Variants in SLC18B1 observed in about 807,000 individuals in gnomAD.
The protein encoded by SLC18B1 is solute carrier family 18 member B1.
In SLC18B1, 62 loss-of-function variants were observed where a neutral mutation model predicts 53.9. That is an observed-to-expected ratio of 1.15 (90% CI 0.94 to 1.42). SLC18B1 has a LOEUF of 1.42. Ranked by LOEUF, SLC18B1 falls within the 40% of genes most tolerant of loss-of-function variation. SLC18B1 has a pLI of 0.00. For synonymous variants in SLC18B1, 217 were observed against 200.9 expected (o/e 1.08, Z -0.68); for missense variants, 598 against 547.3 (o/e 1.09, Z -0.93).
At chr6:132,773,879 A>C (rs1302733865) in intron 9 of SLC18B1, among the ~76,000 whole-genome samples, 2 of 152,246 alleles carry the variant, frequency 1.3e-5, no homozygotes, top group East Asian at 1.9e-4. Context: ...AAAAGAAAAA[A>C]AAAACAAAAA....
intron 4 of SLC18B1, among the ~76,000 whole-genome samples, chr6:132,789,203 G>A (rs1045850098): frequency 2.0e-5 from 3 of 152,120 alleles, no homozygotes; most frequent in Admixed American, 2.0e-4. Context: ...CATGTGACCT[G>A]GCCTGGCCAA....
At position 132,779,199 on chromosome 6, in the gene SLC18B1, A is replaced by G. The variant is rs904810475; in HGVS notation, c.795+69T>C. On this transcript the variant is annotated intron_variant, in intron 7 of 13. Transcript: ENST00000275227. ...CCACGCAAGGGTCTTTCCACAGAGC[A>G]GGGCCCAAGAACAAGCAGTTACATC... 19 of 1,247,568 alleles carry G rather than the reference A, an allele frequency of 1.5e-5. No individual in the cohort carries two copies. The African/African-American group carries it at 2.5e-4, about 16-fold the overall frequency. The allele number at this position is 1,247,568 out of a possible 1,614,324, so 77.3% of individuals were successfully genotyped here.
chr6:132,794,512 C>T (rs1781623791), intron 2 of SLC18B1, among the ~76,000 whole-genome samples: 1 of 152,064 alleles, frequency 6.6e-6, no homozygotes, highest in Non-Finnish European at 1.5e-5. Context: ...GACAAGTGCC[C>T]TTCCTTTCTA....
At position 132,777,674 on chromosome 6, in the gene SLC18B1, A is replaced by T. The variant is rs1781132734; in HGVS notation, c.796-1245T>A. Among the ~76,000 whole-genome samples the T allele has an allele frequency of 2.0e-5, 3 of 152,238 alleles. No homozygotes were observed. In the South Asian group the frequency reaches 6.2e-4, roughly 31 times the overall value. Reference sequence around the variant, plus strand: ...GGTTGCAGTGAGCCGAGATCGTGCCATTGCACTCCAGCCTGGGCAACAGAG... The same window carrying T: ...GGTTGCAGTGAGCCGAGATCGTGCCTTTGCACTCCAGCCTGGGCAACAGAG... On this transcript the variant is annotated intron_variant, in intron 7 of 13. Transcript: ENST00000275227.
intron 2 of SLC18B1, among the ~76,000 whole-genome samples, chr6:132,791,611 G>T (rs115103406): frequency 0.015 from 2,216 of 152,170 alleles, 48 homozygotes; most frequent in African/African-American, 0.051. Flanking sequence ...TCTTACTCTA[G>T]GAAAAGTCCT....
intron 5 of SLC18B1, among the ~76,000 whole-genome samples, chr6:132,785,715 G>C (rs1781351871): frequency 6.6e-6 from 1 of 151,932 alleles, no homozygotes; most frequent in Non-Finnish European, 1.5e-5. Context: ...GCACTTTCCA[G>C]AGTGTTCCAC....
At chr6:132,782,940 A>C (rs1256862577) in intron 6 of SLC18B1, among the ~76,000 whole-genome samples, 1 of 151,724 alleles carries the variant, frequency 6.6e-6, no homozygotes, top group Non-Finnish European at 1.5e-5. Context: ...ATGCCTGGCT[A>C]ATTTTTGTAT....
intron 11 of SLC18B1, 94 bp downstream of exon 11, chr6:132,772,038 G>T (rs954291888): frequency 3.2e-5 from 27 of 844,916 alleles, no homozygotes; most frequent in Non-Finnish European, 4.9e-5. Context: ...GTTGCAGTGA[G>T]CCAAGATCGC....
chr6:132,777,090 G>A (rs879456626), intron 7 of SLC18B1, among the ~76,000 whole-genome samples: 1 of 152,030 alleles, frequency 6.6e-6, no homozygotes, highest in Non-Finnish European at 1.5e-5. Context: ...GTGTGGTGGC[G>A]CATGGCTGTA....
chr6:132,773,002 C>T lies in SLC18B1; in HGVS notation c.1076G>A (p.Ser359Asn). The change falls in exon 10 of 14, where the codon AGT becomes AAT. Residue 359 changes from serine (S) to asparagine (N), a missense_variant. By Grantham distance (46) the Ser-to-Asn change is conservative. Coordinates refer to ENST00000275227, the MANE Select transcript of SLC18B1 (RefSeq NM_052831.3). The stretch of plus-strand genomic sequence containing the variant: ...AATGGAAGTAACTTACTGTGCACAA[C>T]TGAGAATTTCCGGGAAAGTTGGAAT... ...SIIPTFPEIL[S>N]CAHENGFEEG... 6.2e-7 allele frequency: 1 copy of T among 1,613,002 alleles called. No individual in the cohort carries two copies. The highest frequency in any genetic ancestry group is 2.2e-5 in the East Asian group (1 of 44,866).
chr6:132,780,511 G>C lies in SLC18B1; in HGVS notation c.659-1107C>G, dbSNP rs528064681. Among the ~76,000 whole-genome samples the C allele has an allele frequency of 4.1e-5, 6 of 144,682 alleles. No individual in the cohort carries two copies. In the South Asian group the frequency reaches 1.3e-3, roughly 32 times the overall value. 94.9% of individuals were successfully genotyped at this position (144,682 alleles called of 152,430 possible). On this transcript the variant is annotated intron_variant, in intron 6 of 13. Coordinates refer to ENST00000275227, the MANE Select transcript of SLC18B1 (RefSeq NM_052831.3). ...GCAGTGTGGTTCAGCTATTTTAAGT[G>C]TTATCCTTAGATTTTTTCAGGATAT... is the stretch of plus-strand genomic sequence containing the variant.
At chr6:132,783,398 ACTC>A (rs1178421598) in intron 6 of SLC18B1, among the ~76,000 whole-genome samples, 1 of 151,874 alleles carries the variant, frequency 6.6e-6, no homozygotes, top group African/African-American at 2.4e-5. Flanking sequence ...CTGGTCTTGA[ACTC>A]CTGGCCTCAA....
chr6:132,776,330 G>C lies in SLC18B1; in HGVS notation c.895C>G (p.Pro299Ala), dbSNP rs1209224073. Reference sequence around the variant, plus strand: ...AAATATAAATTAAGTGTACGTACTGGCCTTTTATCACTTAGGAGACCAAAT... The same window carrying C: ...AAATATAAATTAAGTGTACGTACTGCCCTTTTATCACTTAGGAGACCAAAT... ...PLFGLLSDKR[P>A]PLRKWLLVFG... The change falls in exon 8 of 14, where the codon CCA (proline) becomes GCA (alanine). Residue 299 changes from proline to alanine, a missense_variant and splice_region_variant. By Grantham distance (27) the Pro-to-Ala change is conservative. Transcript: ENST00000275227. 1 of 1,609,102 alleles carries C rather than the reference G, an allele frequency of 6.2e-7. No individual in the cohort carries two copies. Among genetic ancestry groups the C allele is most frequent in the African/African-American group, 1.3e-5 (1 of 74,750 alleles).
At position 132,783,969 on chromosome 6, in the gene SLC18B1, T is replaced by A; in HGVS notation, c.622A>T (p.Met208Leu). ...AAAATATACATATTGAGTGGTACCA[T>A]CAGCAAAACGACGCATCCCAGAACA... ...FIVLGCVVLL[M>L]VPLNMYILPN... Residue 208 changes from methionine (M) to leucine (L), a missense_variant, in exon 6 of 14, where the codon ATG (methionine) becomes TTG (leucine). Physicochemically the swap from Met to Leu is conservative, Grantham distance 15. Transcript: ENST00000275227. The A allele has an allele frequency of 2.5e-6, 4 of 1,606,628 alleles. No individual in the cohort carries two copies. Among genetic ancestry groups the A allele is most frequent in the Non-Finnish European group, 3.4e-6 (4 of 1,177,158 alleles).
intron 5 of SLC18B1, 114 bp downstream of exon 5, chr6:132,787,320 T>G (rs907688763): frequency 3.7e-5 from 39 of 1,054,616 alleles, no homozygotes; most frequent in African/African-American, 5.1e-5. Context: ...GCAACAATAA[T>G]ACAGAGAGTA....
chr6:132,771,035 C>T lies in SLC18B1; in HGVS notation c.1254+1G>A, dbSNP rs1320160108. ...ATGCAAATAAAAGACTGATTACTCA[C>T]ACTTATCAGAGCCCATAGACCTTGT... On this transcript the variant is annotated splice_donor_variant, in intron 12 of 13. Transcript: ENST00000275227. LOFTEE classifies it high-confidence loss of function. The T allele has an allele frequency of 6.2e-7, 1 of 1,612,832 alleles. No individual in the cohort carries two copies. The highest frequency in any genetic ancestry group is 1.3e-5 in the African/African-American group (1 of 74,942).
intron 7 of SLC18B1, among the ~76,000 whole-genome samples, chr6:132,778,491 T>G (rs1781150675): frequency 6.6e-6 from 1 of 152,206 alleles, no homozygotes; most frequent in African/African-American, 2.4e-5. Context: ...CATTCTATGA[T>G]AGGTAAATGT....
At chr6:132,797,958 T>G (rs72996134) in intron 1 of SLC18B1, among the ~76,000 whole-genome samples, 3,845 of 152,256 alleles carry the variant, frequency 0.025, 74 homozygotes, top group Non-Finnish European at 0.04. Flanking sequence ...AGAAATACAT[T>G]TGCTTTGCTC....
At chr6:132,788,496 C>T (rs540008189) in intron 4 of SLC18B1, among the ~76,000 whole-genome samples, 2 of 152,124 alleles carry the variant, frequency 1.3e-5, no homozygotes, top group East Asian at 3.9e-4. Context: ...ACTGGTCCCC[C>T]AGATGATAGT....
Sources: gnomAD v4.1 joint callset for allele counts (sites outside exome capture counted in the v4.1 genomes callset) on GRCh38, gnomAD v4.1.1 for gene constraint, MANE v1.5 for transcripts, NCBI Gene and HGNC (gene_info 2026-07-23, HGNC 2026-07-21) for gene names.